Variants in MRPS18A observed in about 807,000 individuals in gnomAD.
MRPS18A encodes large ribosomal subunit protein mL66.
Under a neutral mutation model 22.7 loss-of-function variants are expected in MRPS18A, and 20 were observed. The observed-to-expected ratio is 0.88, with a 90% CI of 0.62 to 1.28. The LOEUF is 1.28. Ranked by LOEUF, MRPS18A falls within the 50% of genes most tolerant of loss-of-function variation. The pLI is 0.00. For synonymous variants in MRPS18A, 106 were observed against 99.1 expected (o/e 1.07, Z -0.41); for missense variants, 294 against 262.6 (o/e 1.12, Z -0.83).
Position 43,671,654 on chromosome 6 carries a change from C to A in MRPS18A, c.*108G>T. 2.3e-6 allele frequency: 3 copies of A among 1,330,678 alleles called. No homozygotes were observed. The highest frequency in any genetic ancestry group is 4.6e-5 in the East Asian group (2 of 43,302). 82.4% of individuals were successfully genotyped at this position (1,330,678 alleles called of 1,614,324 possible). On this transcript the variant is annotated 3_prime_UTR_variant, in exon 6 of 6. Transcript: ENST00000372133. ...GTCCATGCATGTTGGAGGGACCAGG[C>A]CATCGTGGTGGGGTGGGACAGGAGT...
At chr6:43,672,955 TG>T (rs1298837109) in intron 5 of MRPS18A, among the ~76,000 whole-genome samples, 1 of 150,504 alleles carries the variant, frequency 6.6e-6, no homozygotes, top group African/African-American at 2.4e-5. Flanking sequence ...GCCAGGATGA[TG>T]ACTGTGAAGG....
intron 3 of MRPS18A, among the ~76,000 whole-genome samples, chr6:43,678,257 G>A: frequency 6.6e-6 from 1 of 152,172 alleles, no homozygotes; most frequent in East Asian, 1.9e-4. Flanking sequence ...TTCTTCAGAG[G>A]GAGAGCTGCG....
chr6:43,686,864 C>T (rs952650202), intron 1 of MRPS18A, among the ~76,000 whole-genome samples: 1 of 152,220 alleles, frequency 6.6e-6, no homozygotes, highest in African/African-American at 2.4e-5. Flanking sequence ...CTGCTCAAGA[C>T]ACATCCTCTT....
At chr6:43,679,994 G>A (rs1041106174) in intron 2 of MRPS18A, among the ~76,000 whole-genome samples, 3 of 152,166 alleles carry the variant, frequency 2.0e-5, no homozygotes, top group African/African-American at 7.2e-5. Flanking sequence ...TCATAGGGGA[G>A]AGAATAATAT....
In MRPS18A at chr6:43,683,203, C is replaced by T. The variant is rs531763117; in HGVS notation, c.113-2083G>A. ...CCACTGTTCACAAACTCCCCCTCCA[C>T]GCAGCAACTGTGAGCCAGCGAATCA... On this transcript the variant is annotated intron_variant, in intron 1 of 5. Coordinates refer to ENST00000372133, the MANE Select transcript of MRPS18A (RefSeq NM_018135.4). 4.6e-5 allele frequency among the ~76,000 whole-genome samples: 7 copies of T among 152,296 alleles called. No homozygotes were observed. In the South Asian group the frequency reaches 6.2e-4, roughly 14 times the overall value.
chr6:43,679,425 T>C (rs1271118925), intron 2 of MRPS18A, among the ~76,000 whole-genome samples: 3 of 152,228 alleles, frequency 2.0e-5, no homozygotes, highest in South Asian at 2.1e-4. Flanking sequence ...GGAGGATACA[T>C]TTCTCTGTCA....
At chr6:43,681,142 C>G (rs928149743) in intron 1 of MRPS18A, 22 bp from the exon 2 acceptor site, 5 of 1,610,232 alleles carry the variant, frequency 3.1e-6, no homozygotes, top group Non-Finnish European at 4.2e-6. Flanking sequence ...AAGGGGGAAA[C>G]ATTAGGTCAG....
chr6:43,681,667 G>A (rs923128594), intron 1 of MRPS18A, among the ~76,000 whole-genome samples: 1 of 152,212 alleles, frequency 6.6e-6, no homozygotes, highest in Non-Finnish European at 1.5e-5. Context: ...TGGGAGTCTT[G>A]AGTGAAATCC....
At chr6:43,678,692 C>A (rs1346137576) in intron 2 of MRPS18A, 67 bp from the exon 3 acceptor site, 9 of 1,151,176 alleles carry the variant, frequency 7.8e-6, no homozygotes, top group African/African-American at 3.1e-5. Context: ...TATCTTTGCA[C>A]AAACCCCAAA....
intron 5 of MRPS18A, 100 bp downstream of exon 5, chr6:43,675,102 T>G: frequency 9.6e-7 from 1 of 1,046,444 alleles, no homozygotes; most frequent in Admixed American, 2.6e-5. Context: ...CTGATGGGGG[T>G]GGATGCTTAA....
chr6:43,680,247 G>GGA (rs1774321642), intron 2 of MRPS18A, among the ~76,000 whole-genome samples: 1 of 152,160 alleles, frequency 6.6e-6, no homozygotes, highest in Non-Finnish European at 1.5e-5. Context: ...GGATTGGGGG[G>GGA]GGTCCCCTAA....
chr6:43,681,919 A>C (rs1013775161), intron 1 of MRPS18A, among the ~76,000 whole-genome samples: 3 of 152,220 alleles, frequency 2.0e-5, no homozygotes, highest in African/African-American at 7.2e-5. Flanking sequence ...TACCTAACCA[A>C]GATGCAGAAT....
intron 1 of MRPS18A, 102 bp downstream of exon 1, chr6:43,687,566 G>C: frequency 9.3e-7 from 1 of 1,077,428 alleles, no homozygotes; most frequent in South Asian, 1.5e-5. Flanking sequence ...CAAAGTTTCA[G>C]AATCGGACGA....
At chr6:43,674,743 G>A (rs1056392427) in intron 5 of MRPS18A, among the ~76,000 whole-genome samples, 3 of 152,188 alleles carry the variant, frequency 2.0e-5, no homozygotes, top group Non-Finnish European at 4.4e-5. Context: ...CAACTCTGGG[G>A]AGCACTATTT....
chr6:43,676,678 T>C (rs1225685418), intron 3 of MRPS18A, among the ~76,000 whole-genome samples: 5 of 152,188 alleles, frequency 3.3e-5, no homozygotes, highest in African/African-American at 4.8e-5. Context: ...CCCGCTGTCA[T>C]AGAATGGCTT....
intron 2 of MRPS18A, 135 bp from the exon 3 acceptor site, chr6:43,678,760 G>A (rs2127947534): frequency 1.6e-6 from 1 of 644,456 alleles, no homozygotes; most frequent in Non-Finnish European, 2.8e-6. Flanking sequence ...TAGCTAAGAG[G>A]TTTCTCTGCC....
At chr6:43,679,121 C>A (rs1394717123) in intron 2 of MRPS18A, among the ~76,000 whole-genome samples, 1 of 152,234 alleles carries the variant, frequency 6.6e-6, no homozygotes. Context: ...TCTTACAGAG[C>A]TAAGGCTATG....
rs544410027 is a variant in MRPS18A at position 43,671,895 on chromosome 6, C to G, written c.458G>C (p.Arg153Pro). 2 of 1,609,292 alleles carry G rather than the reference C, an allele frequency of 1.2e-6. No homozygotes were observed. The highest frequency in any genetic ancestry group is 2.2e-5 in the South Asian group (2 of 90,396). ...GGGCTTGACGGAGCCAGGAGCCCAG[C>G]GCGTCAGGTACCTGTGGAGGGAGAA... ...SKPQLNRYLT[R>P]WAPGSVKPIY... Residue 153 changes from arginine (R) to proline (P), a missense_variant, in exon 6 of 6, where the codon CGC becomes CCC. By Grantham distance (103) the Arg-to-Pro change is moderately radical (BLOSUM62 -2). Coordinates refer to ENST00000372133, the MANE Select transcript of MRPS18A (RefSeq NM_018135.4).
intron 2 of MRPS18A, among the ~76,000 whole-genome samples, chr6:43,679,362 G>A (rs76209815): frequency 0.018 from 2,790 of 152,268 alleles, 43 homozygotes; most frequent in South Asian, 0.033. Context: ...GCAGATATGC[G>A]TGCACTCGTT....
Sources: allele counts gnomAD v4.1 joint callset (sites outside exome capture counted in the v4.1 genomes callset), GRCh38; gene constraint gnomAD v4.1.1; transcripts MANE v1.5; gene names NCBI Gene and HGNC (gene_info 2026-07-23, HGNC 2026-07-21).